Variants in PARVB observed in about 807,000 individuals in gnomAD.
PARVB encodes beta-parvin.
In PARVB, 46 loss-of-function variants were observed where a neutral mutation model predicts 47.0. The observed-to-expected ratio is 0.98, with a 90% CI of 0.77 to 1.25. The LOEUF (loss-of-function observed/expected upper bound fraction) is 1.25. Ranked by LOEUF, PARVB falls within the 50% of genes most tolerant of loss-of-function variation. PARVB has a pLI of 0.00. For missense variants in PARVB, 473 were observed against 471.6 expected, an observed-to-expected ratio of 1.00 and a Z score of -0.03; for synonymous variants, 196 against 196.3, an observed-to-expected ratio of 1.00 and a Z score of 0.01.
At chr22:44,161,839 C>A (rs1020860725) in intron 11 of PARVB, among the ~76,000 whole-genome samples, 28 of 152,228 alleles carry the variant, frequency 1.8e-4, no homozygotes, top group African/African-American at 6.8e-4. Context: ...CTCACTCCTC[C>A]CCCATTGCCA....
rs529470745 is a variant in PARVB, at chr22:44,029,674, G to T, written c.112+5223G>T. ...GCCTGTAATCCCAGCACTTTGGGAGGCTGAAGCGGCAGATCACCTGAGGTC... is the reference window on the plus strand; with the variant it reads ...GCCTGTAATCCCAGCACTTTGGGAGTCTGAAGCGGCAGATCACCTGAGGTC... On this transcript the variant is annotated intron_variant, in intron 1 of 12. Transcript: ENST00000338758. Among the ~76,000 whole-genome samples the T allele has an allele frequency of 8.5e-5, 13 of 152,218 alleles. No individual in the cohort carries two copies. In the East Asian group the frequency reaches 2.1e-3, roughly 25 times the overall value.
At chr22:44,108,922 G>A (rs1967686) in intron 3 of PARVB, 107,086 of 152,004 alleles carry the variant, frequency 0.7, 38,938 homozygotes, top group African/African-American at 0.9. Context: ...GGAATGACAC[G>A]TTGGGTGTCA....
chr22:44,094,603 C>T (rs2052255130), intron 2 of PARVB, among the ~76,000 whole-genome samples: 1 of 152,026 alleles, frequency 6.6e-6, no homozygotes, highest in Non-Finnish European at 1.5e-5. Flanking sequence ...GATCCTCCTG[C>T]CTTAGCCTCC....
At chr22:44,025,844 C>G (rs2146880095) in intron 1 of PARVB, among the ~76,000 whole-genome samples, 1 of 152,342 alleles carries the variant, frequency 6.6e-6, no homozygotes, top group South Asian at 2.1e-4. Flanking sequence ...CAATTCAGCC[C>G]ACAGCCTGTG....
chr22:44,136,577 A>T, intron 7 of PARVB, 59 bp downstream of exon 7: 1 of 1,421,372 alleles, frequency 7.0e-7, no homozygotes, highest in Non-Finnish European at 1.0e-6. Flanking sequence ...GTGGGACCCC[A>T]GGCTGCCACT....
intron 1 of PARVB, among the ~76,000 whole-genome samples, chr22:44,030,650 C>T (rs928674306): frequency 1.4e-4 from 22 of 152,002 alleles, no homozygotes; most frequent in African/African-American, 3.6e-4. Context: ...GAGGAGGTGG[C>T]GTGGGTGGGC....
intron 12 of PARVB, among the ~76,000 whole-genome samples, chr22:44,165,049 G>A (rs2054137061): frequency 6.6e-6 from 1 of 152,158 alleles, no homozygotes; most frequent in South Asian, 2.1e-4. Flanking sequence ...CTGGAGTGCA[G>A]TGGTATGATC....
chr22:44,031,502 G>A (rs1442638282), intron 1 of PARVB: 1 of 151,744 alleles, frequency 6.6e-6, no homozygotes, highest in Non-Finnish European at 1.5e-5. Flanking sequence ...TGCTTCTGTA[G>A]AAAAGGTAAA....
At chr22:44,080,938 G>C (rs565196607) in intron 1 of PARVB, among the ~76,000 whole-genome samples, 1 of 152,148 alleles carries the variant, frequency 6.6e-6, no homozygotes, top group Non-Finnish European at 1.5e-5. Flanking sequence ...ATAGTGCCTC[G>C]AAAGGAGAGG....
chr22:44,133,064 T>A, intron 6 of PARVB, 55 bp downstream of exon 6: 1 of 1,242,274 alleles, frequency 8.0e-7, no homozygotes, highest in African/African-American at 1.5e-5. Flanking sequence ...AGGCAACATC[T>A]TCCTCCTGCA....
chr22:44,160,350 C>T (rs527739641), intron 11 of PARVB, among the ~76,000 whole-genome samples: 1 of 152,358 alleles, frequency 6.6e-6, no homozygotes, highest in East Asian at 1.9e-4. Context: ...GTTGCACGGC[C>T]AGCAAGGGCA....
chr22:44,135,836 C>T (rs1047343861), intron 6 of PARVB, among the ~76,000 whole-genome samples: 1 of 152,188 alleles, frequency 6.6e-6, no homozygotes, highest in Non-Finnish European at 1.5e-5. Flanking sequence ...GGCCACATCT[C>T]TCCAGTCTCT....
chr22:44,020,444 G>A (rs958453061), upstream of PARVB, among the ~76,000 whole-genome samples: 2 of 152,130 alleles, frequency 1.3e-5, no homozygotes, highest in South Asian at 4.1e-4. Flanking sequence ...ATAGTGTTGG[G>A]CTCTCAGGCA....
intron 1 of PARVB, among the ~76,000 whole-genome samples, chr22:44,048,490 G>C (rs2051153295): frequency 6.6e-6 from 1 of 152,126 alleles, no homozygotes; most frequent in African/African-American, 2.4e-5. Flanking sequence ...TCCTGCTCTA[G>C]CTTCCCCAGT....
chr22:44,072,992 T>C (rs2051687854), intron 1 of PARVB, among the ~76,000 whole-genome samples: 1 of 152,160 alleles, frequency 6.6e-6, no homozygotes, highest in Non-Finnish European at 1.5e-5. Flanking sequence ...ATGTGTCTCC[T>C]GGGTGCTGGA....
At chr22:44,137,107 T>G (rs1233287093) in intron 7 of PARVB, among the ~76,000 whole-genome samples, 1 of 152,232 alleles carries the variant, frequency 6.6e-6, no homozygotes, top group East Asian at 1.9e-4. Context: ...ACTAAACCTG[T>G]TTCAGATGAA....
chr22:44,085,458 C>T (rs868502132), intron 1 of PARVB, among the ~76,000 whole-genome samples: 23 of 152,268 alleles, frequency 1.5e-4, no homozygotes, highest in African/African-American at 5.5e-4. Context: ...ATTCACACCA[C>T]CATTCCTGGC....
At chr22:44,143,292 G>C (rs1337550201) in intron 8 of PARVB, 1 of 152,418 alleles carries the variant, frequency 6.6e-6, no homozygotes, top group Non-Finnish European at 1.5e-5. Flanking sequence ...ACACAACGAA[G>C]CTTGCACGTG....
chr22:44,000,571 G>C (rs1458344360), intron 2 of PARVB, among the ~76,000 whole-genome samples: 1 of 152,226 alleles, frequency 6.6e-6, no homozygotes, highest in Non-Finnish European at 1.5e-5. Flanking sequence ...AGGGATTCTT[G>C]CATCTGGTTC....
Sources: allele counts gnomAD v4.1 joint callset (sites outside exome capture counted in the v4.1 genomes callset), GRCh38; gene constraint gnomAD v4.1.1; transcripts MANE v1.5; gene names NCBI Gene and HGNC (gene_info 2026-07-23, HGNC 2026-07-21).